Variants in OMA1 observed in about 807,000 individuals in gnomAD.
OMA1 encodes metalloendopeptidase OMA1, mitochondrial.
OMA1 carries 38 observed loss-of-function variants against 30.9 expected under a neutral mutation model. That is an observed-to-expected ratio of 1.23 (90% confidence interval 0.95 to 1.61). The LOEUF is 1.61. Among genes scored for constraint, OMA1 ranks in the 40% most tolerant of loss-of-function variants. The pLI is 0.00. For missense variants in OMA1, 461 were observed against 349.2 expected (o/e 1.32, Z -2.55); for synonymous variants, 173 against 121.9 (o/e 1.42, Z -2.76).
intron 6 of OMA1, among the ~76,000 whole-genome samples, chr1:58,529,529 T>G (rs1646400811): frequency 6.6e-6 from 1 of 152,224 alleles, no homozygotes; most frequent in African/African-American, 2.4e-5. Flanking sequence ...AGTAAGACTT[T>G]CCTTTCAGCA....
intron 7 of OMA1, among the ~76,000 whole-genome samples, chr1:58,507,827 A>G (rs1646013060): frequency 6.6e-6 from 1 of 152,180 alleles, no homozygotes; most frequent in South Asian, 2.1e-4. Context: ...ACAGGCTGAG[A>G]TTAACAAGTA....
intron 7 of OMA1, among the ~76,000 whole-genome samples, chr1:58,507,809 A>G (rs1646012879): frequency 6.6e-6 from 1 of 152,182 alleles, no homozygotes; most frequent in Non-Finnish European, 1.5e-5. Context: ...CACATTCACA[A>G]TAAAAATACA....
intron 8 of OMA1, among the ~76,000 whole-genome samples, chr1:58,485,239 A>AAAAAAAAT (rs1557435884): frequency 6.7e-5 from 10 of 148,980 alleles, no homozygotes; most frequent in African/African-American, 2.5e-4. Flanking sequence ...AAAAAAAAAA[A>AAAAAAAAT]AAAAAAAAAA....
intron 8 of OMA1, among the ~76,000 whole-genome samples, chr1:58,489,384 G>A (rs534878468): frequency 7.9e-4 from 120 of 152,304 alleles, no homozygotes; most frequent in African/African-American, 2.5e-3. Context: ...AGGTGGCAGC[G>A]AGGCTGGGGG....
intron 8 of OMA1, among the ~76,000 whole-genome samples, chr1:58,500,826 T>A (rs967641719): frequency 4.6e-5 from 7 of 152,220 alleles, no homozygotes; most frequent in Non-Finnish European, 7.3e-5. Context: ...TCAGTCTAAA[T>A]GTTTTCAGTT....
chr1:58,485,412 G>T (rs1418121832), intron 8 of OMA1, among the ~76,000 whole-genome samples: 1 of 151,756 alleles, frequency 6.6e-6, no homozygotes, highest in Non-Finnish European at 1.5e-5. Context: ...TCTGAGCTAG[G>T]TTTCTTTAAT....
rs199994309 is a variant in OMA1, at chr1:58,496,165, TAGAC to T, written c.1365+9891_1365+9894del. ...CCTTTTCAATATTCTTTCATTTTTT[TAGAC>T]TTTTTTTTTTTGGCTTTGGGCATTT... is the stretch of plus-strand genomic sequence containing the variant. On this transcript the variant is annotated intron_variant, in intron 8 of 8. Coordinates refer to ENST00000371226, the MANE Select transcript of OMA1 (RefSeq NM_145243.5). Among the ~76,000 whole-genome samples, 68 of 151,760 alleles carry T rather than the reference TAGAC, an allele frequency of 4.5e-4. 3 individuals are homozygous for T. The East Asian group carries it at 0.014, about 30-fold the overall frequency.
At chr1:58,495,109 G>T (rs555620179) in intron 8 of OMA1, among the ~76,000 whole-genome samples, 3 of 152,158 alleles carry the variant, frequency 2.0e-5, no homozygotes, top group Admixed American at 6.5e-5. Context: ...ATGAGTTCAT[G>T]TCCTTTGTAG....
At chr1:58,512,727 G>A (rs1166787131) in intron 7 of OMA1, among the ~76,000 whole-genome samples, 2 of 152,150 alleles carry the variant, frequency 1.3e-5, no homozygotes, top group Non-Finnish European at 2.9e-5. Flanking sequence ...GAATAGAATA[G>A]TGTTTGTCAG....
At position 58,528,588 on chromosome 1, in the gene OMA1, G is replaced by A. The variant is rs182378407; in HGVS notation, c.1141-1253C>T. On this transcript the variant is annotated intron_variant, in intron 6 of 8. Coordinates refer to ENST00000371226, the MANE Select transcript of OMA1 (RefSeq NM_145243.5). ...GAGAGCTACTGACATCTAGGGAATG[G>A]GGGTCAGAAATGCTACTAAACATCC... Among the ~76,000 whole-genome samples, 362 of 152,234 alleles carry A rather than the reference G, an allele frequency of 2.4e-3. 2 individuals are homozygous for A. The highest frequency in any genetic ancestry group is 3.7e-3 in the Non-Finnish European group (253 of 68,008).
intron 8 of OMA1, among the ~76,000 whole-genome samples, chr1:58,484,412 A>G (rs1645540087): frequency 6.6e-6 from 1 of 152,240 alleles, no homozygotes; most frequent in African/African-American, 2.4e-5. Flanking sequence ...TTTCTACCAG[A>G]AAGGCTTTAT....
intron 8 of OMA1, among the ~76,000 whole-genome samples, chr1:58,492,609 A>C (rs1378003313): frequency 6.6e-6 from 1 of 152,228 alleles, no homozygotes; most frequent in Non-Finnish European, 1.5e-5. Flanking sequence ...ACAGAAATAC[A>C]AACTACCATC....
intron 7 of OMA1, among the ~76,000 whole-genome samples, chr1:58,518,414 A>T (rs957756765): frequency 6.6e-6 from 1 of 151,870 alleles, no homozygotes; most frequent in Non-Finnish European, 1.5e-5. Context: ...ATATCATCAT[A>T]GCTTACTGGA....
intron 8 of OMA1, among the ~76,000 whole-genome samples, chr1:58,501,426 C>A (rs1164953390): frequency 6.6e-6 from 1 of 152,198 alleles, no homozygotes; most frequent in Non-Finnish European, 1.5e-5. Flanking sequence ...CTCCTCCAGT[C>A]CTCTGCTCAA....
At chr1:58,534,646 T>C (rs182014591) in intron 3 of OMA1, among the ~76,000 whole-genome samples, 44 of 152,332 alleles carry the variant, frequency 2.9e-4, no homozygotes, top group Non-Finnish European at 5.7e-4. Context: ...TAGAAAACAC[T>C]GCCTAGGCCA....
chr1:58,529,720 A>C (rs1184500046), intron 6 of OMA1, among the ~76,000 whole-genome samples: 1 of 152,226 alleles, frequency 6.6e-6, no homozygotes, highest in Non-Finnish European at 1.5e-5. Context: ...TTTGGATAGA[A>C]AATATCTACG....
intron 8 of OMA1, among the ~76,000 whole-genome samples, chr1:58,491,494 A>G (rs1359153860): frequency 5.3e-5 from 8 of 152,234 alleles, no homozygotes; most frequent in African/African-American, 1.9e-4. Context: ...GTCAAGACCC[A>G]TCAGTGTGCT....
intron 5 of OMA1, among the ~76,000 whole-genome samples, chr1:58,531,131 T>A (rs182253750): frequency 1.2e-3 from 187 of 152,278 alleles, no homozygotes; most frequent in African/African-American, 4.4e-3. Flanking sequence ...ACCCGGTCAG[T>A]TTTAGTTTTT....
chr1:58,499,501 G>GATAGATAGATAA (rs767445044), intron 8 of OMA1, among the ~76,000 whole-genome samples: 5 of 150,504 alleles, frequency 3.3e-5, no homozygotes, highest in African/African-American at 1.2e-4. Flanking sequence ...TAGATAGATA[G>GATAGATAGATAA]ATAGATAAAT....
Sources: gnomAD v4.1 joint callset for allele counts (sites outside exome capture counted in the v4.1 genomes callset) on GRCh38, gnomAD v4.1.1 for gene constraint, MANE v1.5 for transcripts, NCBI Gene and HGNC (gene_info 2026-07-23, HGNC 2026-07-21) for gene names.